The following CNGA3 variants were observed in gnomAD, a reference collection of about 807,000 sequenced individuals.
CNGA3 encodes the protein cyclic nucleotide-gated channel alpha-3.
In CNGA3, 42 loss-of-function variants were observed where a neutral mutation model predicts 46.6. The ratio of observed to expected loss-of-function variants is 0.90; its 90% confidence interval spans 0.70 to 1.17. CNGA3 has a LOEUF of 1.17. CNGA3 is among the 50% of genes most tolerant of loss of function. The probability of loss-of-function intolerance (pLI) is 0.00; values close to 1 mark genes in which losing one functional copy is unlikely to be tolerated. For missense variants in CNGA3, 893 were observed against 890.7 expected, an observed-to-expected ratio of 1.00 and a Z score of -0.03; for synonymous variants, 394 against 369.4, an observed-to-expected ratio of 1.07 and a Z score of -0.76.
At chr2:98,357,423 G>T (rs1282241573) in intron 1 of CNGA3, among the ~76,000 whole-genome samples, 1 of 152,196 alleles carries the variant, frequency 6.6e-6, no homozygotes, top group Non-Finnish European at 1.5e-5. Flanking sequence ...CCTCCTTAAT[G>T]GTCCCTAAGG....
chr2:98,395,233 G>A (rs567752034), intron 7 of CNGA3, among the ~76,000 whole-genome samples: 2 of 151,780 alleles, frequency 1.3e-5, no homozygotes, highest in East Asian at 1.9e-4. Flanking sequence ...GTAGTGGTGC[G>A]ATCTTGGCTC....
At chr2:98,390,352 T>C (rs1349902269) in intron 6 of CNGA3, among the ~76,000 whole-genome samples, 2 of 151,942 alleles carry the variant, frequency 1.3e-5, no homozygotes, top group African/African-American at 4.8e-5. Flanking sequence ...TTTCACCATA[T>C]TGGCTAGGCT....
chr2:98,361,704 CTTTTTTTTT>C (rs1230449113), intron 1 of CNGA3, among the ~76,000 whole-genome samples: 1 of 108,912 alleles, frequency 9.2e-6, no homozygotes, highest in African/African-American at 3.5e-5. Flanking sequence ...CTTTTCTTGA[CTTTTTTTTT>C]TTTTTTTTTT....
intron 1 of CNGA3, among the ~76,000 whole-genome samples, chr2:98,349,143 AT>A (rs1231222316): frequency 1.8e-3 from 276 of 152,214 alleles, no homozygotes; most frequent in African/African-American, 5.9e-3. Flanking sequence ...GTCCTGCATC[AT>A]GGGGGGAGTC....
intron 5 of CNGA3, among the ~76,000 whole-genome samples, chr2:98,384,349 C>A (rs530547526): frequency 6.6e-6 from 1 of 152,240 alleles, no homozygotes; most frequent in Non-Finnish European, 1.5e-5. Context: ...AGATTAGGGA[C>A]AGCGTGGCAC....
rs1352219403 is a variant in CNGA3 at position 98,396,048 on chromosome 2, C to A, written c.878C>A (p.Thr293Lys). Residue 293 changes from threonine to lysine, a missense_variant, in exon 8 of 8, where the codon ACA (threonine) becomes AAA (lysine). Coordinates refer to ENST00000272602, the MANE Select transcript of CNGA3 (RefSeq NM_001298.3). Reference protein sequence around the residue: ...RLFEFFDRTETRTNYPNMFRI... With the variant: ...RLFEFFDRTEKRTNYPNMFRI... ...TTTGAATTCTTTGACCGCACAGAGACAAGGACCAACTACCCCAATATGTTC... is the reference window on the plus strand; with the variant it reads ...TTTGAATTCTTTGACCGCACAGAGAAAAGGACCAACTACCCCAATATGTTC... 3 of 1,614,110 alleles carry A rather than the reference C, an allele frequency of 1.9e-6. No homozygotes were observed. Among genetic ancestry groups the A allele is most frequent in the Admixed American group, 1.7e-5 (1 of 60,012 alleles).
chr2:98,371,816 G>A (rs1368079419), intron 2 of CNGA3, among the ~76,000 whole-genome samples: 3 of 152,220 alleles, frequency 2.0e-5, no homozygotes, highest in African/African-American at 7.2e-5. Flanking sequence ...AAAGCCCCTT[G>A]AAGGGGGTTT....
intron 1 of CNGA3, chr2:98,356,108 A>G (rs1193423915): frequency 1.3e-5 from 2 of 152,258 alleles, no homozygotes; most frequent in African/African-American, 4.8e-5. Context: ...GTTCTCAAGC[A>G]GGATGGGGGC....
chr2:98,358,623 A>G (rs1401281025), intron 1 of CNGA3, among the ~76,000 whole-genome samples: 1 of 152,216 alleles, frequency 6.6e-6, no homozygotes, highest in Non-Finnish European at 1.5e-5. Context: ...AAAGAGAAAA[A>G]CTTTAGAGGT....
intron 7 of CNGA3, among the ~76,000 whole-genome samples, chr2:98,394,843 A>C (rs1316070589): frequency 6.6e-6 from 1 of 152,212 alleles, no homozygotes; most frequent in Non-Finnish European, 1.5e-5. Context: ...GTAATTTCAC[A>C]TGCTTACTTT....
chr2:98,350,180 A>G (rs558362835), intron 1 of CNGA3, among the ~76,000 whole-genome samples: 3 of 152,358 alleles, frequency 2.0e-5, no homozygotes, highest in East Asian at 3.9e-4. Context: ...GAACCAAGGT[A>G]TTTAATCATT....
intron 2 of CNGA3, chr2:98,377,459 A>G: frequency 1.9e-6 from 1 of 521,666 alleles, no homozygotes; most frequent in Non-Finnish European, 3.5e-6. Flanking sequence ...CCTTTCACCT[A>G]GCCCTGGACA....
At chr2:98,375,707 C>T (rs949449516) in intron 2 of CNGA3, among the ~76,000 whole-genome samples, 7 of 152,328 alleles carry the variant, frequency 4.6e-5, no homozygotes, top group African/African-American at 1.4e-4. Context: ...ACAGCAATGT[C>T]TCTAGTGGCA....
chr2:98,350,538 A>C (rs971853136), intron 1 of CNGA3, among the ~76,000 whole-genome samples: 2 of 152,154 alleles, frequency 1.3e-5, no homozygotes, highest in Non-Finnish European at 2.9e-5. Flanking sequence ...TTGCAATCTC[A>C]ACCTGAACAG....
At chr2:98,389,560 C>A in intron 5 of CNGA3, 98 bp from the exon 6 acceptor site, 1 of 1,049,738 alleles carries the variant, frequency 9.5e-7, no homozygotes, top group Non-Finnish European at 1.5e-6. Context: ...ACAGCCACAT[C>A]TTGGGCTTCA....
intron 1 of CNGA3, among the ~76,000 whole-genome samples, chr2:98,353,185 A>G (rs1691806068): frequency 6.6e-6 from 1 of 152,270 alleles, no homozygotes; most frequent in Non-Finnish European, 1.5e-5. Context: ...AAAAACATAT[A>G]GAAGTGGACG....
At chr2:98,354,593 T>A (rs1255049235) in intron 1 of CNGA3, among the ~76,000 whole-genome samples, 1 of 152,160 alleles carries the variant, frequency 6.6e-6, no homozygotes, top group East Asian at 1.9e-4. Flanking sequence ...GAGACCAGCC[T>A]GGGAAACATA....
intron 1 of CNGA3, among the ~76,000 whole-genome samples, chr2:98,367,600 T>C (rs1388644694): frequency 3.9e-5 from 6 of 152,158 alleles, no homozygotes; most frequent in African/African-American, 1.4e-4. Context: ...CATCTCAAAC[T>C]GGAATCATTC....
chr2:98,383,732 T>C (rs1347430518), intron 5 of CNGA3, among the ~76,000 whole-genome samples: 1 of 152,204 alleles, frequency 6.6e-6, no homozygotes, highest in African/African-American at 2.4e-5. Context: ...GCTTTAGCAC[T>C]CTATACCACG....
Sources: gnomAD v4.1 joint callset for allele counts (sites outside exome capture counted in the v4.1 genomes callset) on GRCh38, gnomAD v4.1.1 for gene constraint, MANE v1.5 for transcripts, NCBI Gene and HGNC (gene_info 2026-07-23, HGNC 2026-07-21) for gene names.